The following DPP6 variants were observed in gnomAD, a reference collection of about 807,000 sequenced individuals.
The protein encoded by DPP6 is dipeptidyl peptidase like 6, also known as A-type potassium channel modulatory protein DPP6.
Under a neutral mutation model 122.6 loss-of-function variants are expected in DPP6, and 69 were observed. The observed-to-expected ratio is 0.56, with a 90% CI of 0.46 to 0.69. The LOEUF is 0.69. DPP6 is among the 30% of genes least tolerant of loss of function. The probability of loss-of-function intolerance (pLI) is 0.00; values close to 1 mark genes in which losing one functional copy is unlikely to be tolerated. For missense variants in DPP6, 928 were observed against 1,116.9 expected, an observed-to-expected ratio of 0.83 and a Z score of 2.41; for synonymous variants, 418 against 433.1, an observed-to-expected ratio of 0.97 and a Z score of 0.43.
At chr7:153,783,917 C>T in the DPP6 span, among the ~76,000 whole-genome samples, 2 of 152,196 alleles carry the variant, frequency 1.3e-5, no homozygotes, top group Admixed American at 6.5e-5. Flanking sequence ...ATTTTTCATA[C>T]ATTAGAATAC....
Position 154,769,498 on chromosome 7 carries a change from G to A in DPP6, c.965G>A (p.Arg322His), listed in dbSNP as rs368682396. The A allele has an allele frequency of 7.9e-5, 127 of 1,613,364 alleles. No homozygotes were observed. In the African/African-American group the frequency reaches 9.7e-4, roughly 12 times the overall value. ...GCCTACGCCGCCATCAATGATTCCC[G>A]TGTCCCCATCATGGAGCTCCCAACT... Reference protein sequence around the residue: ...RLAYAAINDSRVPIMELPTYT... With the variant: ...RLAYAAINDSHVPIMELPTYT... The change falls in exon 9 of 26, where the codon CGT becomes CAT. Residue 322 changes from arginine (R) to histidine (H), a missense_variant. Physicochemically the swap from Arg to His is conservative, Grantham distance 29. Transcript: ENST00000377770.
intron 3 of DPP6, among the ~76,000 whole-genome samples, chr7:154,497,602 C>T (rs889310084): frequency 2.8e-5 from 4 of 145,006 alleles, no homozygotes; most frequent in Non-Finnish European, 6.1e-5. Context: ...GAGTGAGACT[C>T]CATCTCCAAA....
intron 1 of DPP6, among the ~76,000 whole-genome samples, chr7:154,327,488 C>T (rs898666208): frequency 6.6e-6 from 1 of 152,022 alleles, no homozygotes; most frequent in Non-Finnish European, 1.5e-5. Context: ...ATTTTGAAGT[C>T]CCCTTATACT....
chr7:154,837,249 A>G (rs1801139298), intron 16 of DPP6, among the ~76,000 whole-genome samples: 1 of 149,766 alleles, frequency 6.7e-6, no homozygotes, highest in South Asian at 2.1e-4. Flanking sequence ...CATAAGGCAC[A>G]TTCACACATG....
chr7:153,765,214 A>C, the DPP6 span, among the ~76,000 whole-genome samples: 1 of 152,070 alleles, frequency 6.6e-6, no homozygotes. Flanking sequence ...CTGCAGGGAC[A>C]CTTGGCAACC....
At chr7:154,891,541 C>CA (rs1382917125) in intron 25 of DPP6, among the ~76,000 whole-genome samples, 1 of 152,178 alleles carries the variant, frequency 6.6e-6, no homozygotes, top group Non-Finnish European at 1.5e-5. Context: ...AGCCAGGACG[C>CA]AAAATCTGTG....
intron 1 of DPP6, among the ~76,000 whole-genome samples, chr7:154,276,196 CCATGCGT>C (rs1804117175): frequency 6.6e-6 from 1 of 152,106 alleles, no homozygotes; most frequent in East Asian, 1.9e-4. Context: ...TGTTAAAACC[CCATGCGT>C]AGTTAATAAT....
chr7:154,204,535 T>G (rs75641871), intron 1 of DPP6, among the ~76,000 whole-genome samples: 1 of 152,076 alleles, frequency 6.6e-6, no homozygotes, highest in Non-Finnish European at 1.5e-5. Flanking sequence ...ATCATCGGCC[T>G]CCTCTCCCCA....
At chr7:154,115,653 GGT>G (rs1182764141) in intron 1 of DPP6, among the ~76,000 whole-genome samples, 3 of 152,104 alleles carry the variant, frequency 2.0e-5, no homozygotes, top group African/African-American at 7.2e-5. Context: ...TACTTGTTGC[GGT>G]GTGTCCATTG....
Position 154,592,975 on chromosome 7 carries a change from A to G in DPP6, c.627+26059A>G, listed in dbSNP as rs551263084. ...GAAGAAACAGCAGAAACACCTGGTA[A>G]TCCTTGCAGGCGTCACCCAGGCTGC... is the stretch of plus-strand genomic sequence containing the variant. On this transcript the variant is annotated intron_variant, in intron 5 of 25. Coordinates refer to ENST00000377770, the MANE Select transcript of DPP6 (RefSeq NM_130797.4). 1.7e-3 allele frequency among the ~76,000 whole-genome samples: 258 copies of G among 152,250 alleles called. 3 individuals are homozygous for G. Among genetic ancestry groups the G allele is most frequent in the Non-Finnish European group, 1.0e-3 (70 of 68,020 alleles).
At chr7:154,187,063 G>A (rs534949526) in intron 1 of DPP6, among the ~76,000 whole-genome samples, 2 of 152,330 alleles carry the variant, frequency 1.3e-5, no homozygotes, top group African/African-American at 2.4e-5. Context: ...AAAAGCCTGT[G>A]TGTGTTCAGG....
chr7:154,301,023 G>A (rs182088693), intron 1 of DPP6, among the ~76,000 whole-genome samples: 3 of 152,266 alleles, frequency 2.0e-5, no homozygotes, highest in Admixed American at 1.3e-4. Flanking sequence ...TGGTGGTTTA[G>A]GGTCTAGACT....
intron 1 of DPP6, among the ~76,000 whole-genome samples, chr7:153,954,684 G>C (rs1275071954): frequency 5.9e-5 from 9 of 152,108 alleles, no homozygotes; most frequent in Admixed American, 1.3e-4. Flanking sequence ...TCAGTTGAAG[G>C]CCCAAATAGA....
chr7:154,534,287 G>A (rs1586563085), intron 3 of DPP6, among the ~76,000 whole-genome samples: 2 of 152,254 alleles, frequency 1.3e-5, no homozygotes, highest in South Asian at 2.1e-4. Context: ...TATATTCAAT[G>A]ATGAAAAGTT....
chr7:154,522,431 T>G (rs1050848730), intron 3 of DPP6, among the ~76,000 whole-genome samples: 2 of 152,098 alleles, frequency 1.3e-5, no homozygotes, highest in African/African-American at 2.4e-5. Context: ...AGCCAGCAAT[T>G]CTAATGTTCA....
At chr7:154,726,033 G>A (rs1184698225) in intron 7 of DPP6, among the ~76,000 whole-genome samples, 1 of 152,208 alleles carries the variant, frequency 6.6e-6, no homozygotes, top group Non-Finnish European at 1.5e-5. Flanking sequence ...TGCTGATACA[G>A]CAGTGGTCTC....
intron 1 of DPP6, among the ~76,000 whole-genome samples, chr7:154,369,206 T>G (rs1421420823): frequency 3.3e-5 from 5 of 152,152 alleles, no homozygotes; most frequent in African/African-American, 1.2e-4. Flanking sequence ...GTGATTCTCC[T>G]GCCTCAGCCT....
intron 1 of DPP6, among the ~76,000 whole-genome samples, chr7:154,359,731 T>C (rs1811568423): frequency 6.6e-6 from 1 of 152,134 alleles, no homozygotes; most frequent in Admixed American, 6.5e-5. Context: ...TACTAATAGA[T>C]GGGTGAGCAT....
At chr7:154,874,558 G>A (rs1412835699) in intron 19 of DPP6, among the ~76,000 whole-genome samples, 2 of 152,194 alleles carry the variant, frequency 1.3e-5, no homozygotes, top group South Asian at 2.1e-4. Context: ...AGGCACACTC[G>A]ACATAGAGCA....
Sources: gnomAD v4.1 joint callset for allele counts (sites outside exome capture counted in the v4.1 genomes callset) on GRCh38, gnomAD v4.1.1 for gene constraint, MANE v1.5 for transcripts, NCBI Gene and HGNC (gene_info 2026-07-23, HGNC 2026-07-21) for gene names.